The following GALNTL6 variants were observed in gnomAD, a reference collection of about 807,000 sequenced individuals.
The protein encoded by GALNTL6 is polypeptide N-acetylgalactosaminyltransferase-like 6.
A neutral mutation model predicts 73.7 loss-of-function variants in GALNTL6; 46 were observed. That is an observed-to-expected ratio of 0.62 (90% confidence interval 0.49 to 0.80). GALNTL6 has a LOEUF of 0.80. Among genes scored for constraint, GALNTL6 ranks in the 30% least tolerant of loss-of-function variants. GALNTL6 has a pLI of 0.00. For missense variants in GALNTL6, 604 were observed against 755.0 expected (o/e 0.80, Z 2.34); for synonymous variants, 259 against 263.7 (o/e 0.98, Z 0.17).
intron 5 of GALNTL6, among the ~76,000 whole-genome samples, chr4:172,596,208 C>T (rs1737849113): frequency 6.6e-6 from 1 of 151,838 alleles, no homozygotes; most frequent in African/African-American, 2.4e-5. Context: ...GTAATCCCAG[C>T]ACTTTGGGAG....
At chr4:172,349,215 A>G (rs1028637401) in intron 5 of GALNTL6, among the ~76,000 whole-genome samples, 3 of 152,156 alleles carry the variant, frequency 2.0e-5, no homozygotes, top group African/African-American at 7.2e-5. Flanking sequence ...AATCTAGTGT[A>G]ATAGTATCTT....
At chr4:171,966,508 A>G (rs1337755413) in intron 2 of GALNTL6, among the ~76,000 whole-genome samples, 3 of 152,190 alleles carry the variant, frequency 2.0e-5, no homozygotes, top group Non-Finnish European at 4.4e-5. Context: ...TGTGATCCAG[A>G]GAGTCACAGA....
chr4:172,928,212 CT>C (rs1391512102), intron 8 of GALNTL6, among the ~76,000 whole-genome samples: 3 of 152,136 alleles, frequency 2.0e-5, no homozygotes, highest in African/African-American at 7.2e-5. Flanking sequence ...TTTTCTGGCC[CT>C]TTACAGAAAG....
At chr4:172,113,237 T>A (rs1447344623) in intron 2 of GALNTL6, among the ~76,000 whole-genome samples, 4 of 152,016 alleles carry the variant, frequency 2.6e-5, no homozygotes, top group African/African-American at 9.7e-5. Context: ...TCTCACTTAA[T>A]GAATTTATGC....
intron 5 of GALNTL6, among the ~76,000 whole-genome samples, chr4:172,773,600 CA>C (rs11382532): frequency 3.3e-4 from 48 of 145,722 alleles, no homozygotes; most frequent in Non-Finnish European, 4.8e-4. Context: ...ATTCAGTGAC[CA>C]AAAAAAAAAA....
At chr4:172,693,784 G>C (rs1733474439) in intron 5 of GALNTL6, among the ~76,000 whole-genome samples, 1 of 152,116 alleles carries the variant, frequency 6.6e-6, no homozygotes, top group African/African-American at 2.4e-5. Flanking sequence ...TATTGTATTT[G>C]GTATGAAGCC....
intron 5 of GALNTL6, among the ~76,000 whole-genome samples, chr4:172,753,734 ATATC>A (rs1252323105): frequency 2.6e-5 from 4 of 152,174 alleles, no homozygotes; most frequent in African/African-American, 7.2e-5. Flanking sequence ...TCAAAATAAA[ATATC>A]TAGATTAGTT....
intron 2 of GALNTL6, among the ~76,000 whole-genome samples, chr4:171,997,313 A>G (rs748782974): frequency 6.6e-6 from 1 of 152,010 alleles, no homozygotes; most frequent in Non-Finnish European, 1.5e-5. Context: ...GATTTTTTGA[A>G]CACAGCAAAT....
intron 9 of GALNTL6, among the ~76,000 whole-genome samples, chr4:172,937,577 T>G (rs1748685449): frequency 6.6e-6 from 1 of 152,184 alleles, no homozygotes; most frequent in Non-Finnish European, 1.5e-5. Context: ...CTTTGGCAAA[T>G]AAATGTTTAC....
In GALNTL6 at chr4:172,532,069, C is replaced by T. The variant is rs376869603; in HGVS notation, c.553+183380C>T. ...TGACGTGGGTAGATTCCCTTGGAGC[C>T]AGCCATGACCAGAAGGGTCCATTTG... On this transcript the variant is annotated intron_variant, in intron 5 of 12. Coordinates refer to ENST00000506823, the MANE Select transcript of GALNTL6 (RefSeq NM_001034845.3). Among the ~76,000 whole-genome samples the T allele has an allele frequency of 1.6e-3, 246 of 152,208 alleles. 2 individuals carry two copies. The highest frequency in any genetic ancestry group is 5.8e-3 in the African/African-American group (240 of 41,518).
intron 8 of GALNTL6, among the ~76,000 whole-genome samples, chr4:172,891,747 C>A (rs1318353646): frequency 6.6e-6 from 1 of 152,004 alleles, no homozygotes; most frequent in South Asian, 2.1e-4. Context: ...ATTGCCTATT[C>A]TTTCTTCTTC....
chr4:172,358,335 A>G (rs1742239795), intron 5 of GALNTL6, among the ~76,000 whole-genome samples: 1 of 152,228 alleles, frequency 6.6e-6, no homozygotes, highest in South Asian at 2.1e-4. Context: ...TAAGTCCCCC[A>G]ATATAGAGAA....
At chr4:171,965,452 C>G (rs1017932650) in intron 2 of GALNTL6, among the ~76,000 whole-genome samples, 2 of 151,826 alleles carry the variant, frequency 1.3e-5, no homozygotes, top group African/African-American at 4.8e-5. Context: ...GTCAGGAGAT[C>G]GAGACCATCC....
At chr4:172,478,714 G>A (rs1245100673) in intron 5 of GALNTL6, among the ~76,000 whole-genome samples, 2 of 152,064 alleles carry the variant, frequency 1.3e-5, no homozygotes, top group Non-Finnish European at 2.9e-5. Flanking sequence ...AGAGTAAATA[G>A]ACAATGTACA....
At chr4:172,552,837 T>TTAAAAAAAAAAAA (rs1206029152) in intron 5 of GALNTL6, among the ~76,000 whole-genome samples, 2 of 80,408 alleles carry the variant, frequency 2.5e-5, no homozygotes, top group South Asian at 1.2e-3. Flanking sequence ...GTAATTGCAG[T>TTAAAAAAAAAAAA]AAAAAAAAAA....
intron 10 of GALNTL6, among the ~76,000 whole-genome samples, chr4:172,990,351 T>C (rs553245104): frequency 6.6e-6 from 1 of 152,328 alleles, no homozygotes; most frequent in Admixed American, 6.5e-5. Flanking sequence ...GAGTATACTT[T>C]CTTCAATTGT....
chr4:171,927,725 G>C (rs114069173), intron 2 of GALNTL6, among the ~76,000 whole-genome samples: 1,653 of 152,168 alleles, frequency 0.011, 29 homozygotes, highest in African/African-American at 0.038. Context: ...ATTAAAATTT[G>C]TGATTCCCTT....
intron 2 of GALNTL6, among the ~76,000 whole-genome samples, chr4:171,964,206 A>T (rs1283064007): frequency 1.3e-5 from 2 of 150,226 alleles, no homozygotes; most frequent in Non-Finnish European, 3.0e-5. Context: ...CAGGAGTCCT[A>T]TGTTTTCTGC....
chr4:172,376,871 G>C (rs758716115), intron 5 of GALNTL6, among the ~76,000 whole-genome samples: 2 of 152,150 alleles, frequency 1.3e-5, no homozygotes, highest in African/African-American at 4.8e-5. Flanking sequence ...TCTGGAGTTT[G>C]TTCCTTCAGA....
Sources: gnomAD v4.1 joint callset for allele counts (sites outside exome capture counted in the v4.1 genomes callset) on GRCh38, gnomAD v4.1.1 for gene constraint, MANE v1.5 for transcripts, NCBI Gene and HGNC (gene_info 2026-07-23, HGNC 2026-07-21) for gene names.